The following SWT1 variants were observed in gnomAD, a reference collection of about 807,000 sequenced individuals.
SWT1 encodes the protein SWT1 RNA endoribonuclease homolog.
Under a neutral mutation model 107.3 loss-of-function variants are expected in SWT1, and 33 were observed. The ratio of observed to expected loss-of-function variants is 0.31; its 90% confidence interval spans 0.23 to 0.41. The LOEUF (loss-of-function observed/expected upper bound fraction) is 0.41, where lower values mean the gene tolerates loss of function less well. SWT1 is among the 10% of genes least tolerant of loss of function. The pLI is 1.00. For missense variants in SWT1, 898 were observed against 1,028.9 expected (o/e 0.87, Z 1.74); for synonymous variants, 345 against 348.3 (o/e 0.99, Z 0.11).
rs187506375 is a variant in SWT1, at chr1:185,285,663, T to C, written c.2574-5011T>C. ...GTTTTCTTCTAACATTTTTATAGTT[T>C]TAGCTCTTACAGTTAGGCCATTGAT... On this transcript the variant is annotated intron_variant, in intron 18 of 18. Coordinates refer to ENST00000367500, the MANE Select transcript of SWT1 (RefSeq NM_017673.7). 3.3e-5 allele frequency among the ~76,000 whole-genome samples: 5 copies of C among 152,354 alleles called. No individual in the cohort carries two copies. The East Asian group carries it at 9.6e-4, about 29-fold the overall frequency.
In SWT1 at chr1:185,160,921, A is replaced by C. The variant is rs1654091208; in HGVS notation, c.80A>C (p.Glu27Ala). 2 of 1,609,564 alleles carry C rather than the reference A, an allele frequency of 1.2e-6. No individual in the cohort carries two copies. Among genetic ancestry groups the C allele is most frequent in the Admixed American group, 3.4e-5 (2 of 59,542 alleles). Residue 27 changes from glutamate to alanine, a missense_variant, in exon 2 of 19, where the codon GAA (glutamate) becomes GCA (alanine). By Grantham distance (107) the Glu-to-Ala change is moderately radical (BLOSUM62 -1). Transcript: ENST00000367500. The stretch of plus-strand genomic sequence containing the variant: ...ACCACCTCATCACCCAATTTTGGTG[A>C]AAAAGTAAGAATTTTGATTTACTGA... The part of the protein sequence containing the change: ...DTTTSSPNFG[E>A]KDKKERKTPA...
intron 16 of SWT1, among the ~76,000 whole-genome samples, chr1:185,253,370 G>A (rs1258966663): frequency 1.3e-5 from 2 of 151,660 alleles, no homozygotes; most frequent in Non-Finnish European, 2.9e-5. Flanking sequence ...AAATTACCTT[G>A]GGCAGTATGG....
At position 185,291,098 on chromosome 1, in the gene SWT1, C is replaced by T; in HGVS notation, c.*295C>T. 1 of 178,424 alleles carries T rather than the reference C, an allele frequency of 5.6e-6. No homozygotes were observed. The highest frequency in any genetic ancestry group is 1.2e-5 in the Non-Finnish European group (1 of 84,874). The allele number at this position is 178,424 out of a possible 1,614,324, so 11.1% of individuals were successfully genotyped here. On this transcript the variant is annotated 3_prime_UTR_variant, in exon 19 of 19. Coordinates refer to ENST00000367500, the MANE Select transcript of SWT1 (RefSeq NM_017673.7). ...AAAGGAGAGCCGTATTTTTAGTCAT[C>T]CTAGGGCAGGAGCCACTGTGGCATC...
chr1:185,184,711 G>T (rs1298082939), intron 8 of SWT1, 32 bp from the exon 9 acceptor site: 1 of 1,567,956 alleles, frequency 6.4e-7, no homozygotes, highest in African/African-American at 1.4e-5. Context: ...ATAAATGTTT[G>T]TTAAATTCTA....
intron 16 of SWT1, among the ~76,000 whole-genome samples, chr1:185,246,749 C>T (rs1251068790): frequency 6.6e-6 from 1 of 151,256 alleles, no homozygotes; most frequent in Non-Finnish European, 1.5e-5. Context: ...CCTGCCTCGG[C>T]CTCCTGAGTA....
intron 15 of SWT1, among the ~76,000 whole-genome samples, chr1:185,228,378 C>T (rs1325869137): frequency 6.6e-6 from 1 of 150,944 alleles, no homozygotes; most frequent in Non-Finnish European, 1.5e-5. Context: ...AAAAGTTAGC[C>T]TTGTGTGGTA....
chr1:185,161,514 G>A (rs963081758), intron 2 of SWT1, among the ~76,000 whole-genome samples: 3 of 151,968 alleles, frequency 2.0e-5, no homozygotes, highest in African/African-American at 7.3e-5. Flanking sequence ...GACCAGCCTA[G>A]GCAACATGGT....
chr1:185,269,491 C>G (rs936664312), intron 16 of SWT1, among the ~76,000 whole-genome samples: 4 of 151,266 alleles, frequency 2.6e-5, no homozygotes, highest in African/African-American at 9.7e-5. Flanking sequence ...TGTGCCCCCT[C>G]CAAGGGACCT....
chr1:185,290,819 T>G lies in SWT1; in HGVS notation c.*16T>G, dbSNP rs41264596. The G allele has an allele frequency of 6.6e-3, 10,530 of 1,592,668 alleles. 40 individuals are homozygous for G. The highest frequency in any genetic ancestry group is 8.0e-3 in the Non-Finnish European group (9,327 of 1,169,038). ...TAGGATATAAGTACTGATTTGTAAC[T>G]TTAAAGGAATTGCATTTGTCCTTAA... On this transcript the variant is annotated 3_prime_UTR_variant, in exon 19 of 19. Transcript: ENST00000367500.
chr1:185,265,428 CT>C (rs1406881434), intron 16 of SWT1, among the ~76,000 whole-genome samples: 2 of 152,118 alleles, frequency 1.3e-5, no homozygotes, highest in South Asian at 2.1e-4. Context: ...AGATCCAAGA[CT>C]TTTTTTCCTT....
At chr1:185,210,495 G>A (rs775680276) in intron 13 of SWT1, among the ~76,000 whole-genome samples, 47 of 152,022 alleles carry the variant, frequency 3.1e-4, no homozygotes, top group Non-Finnish European at 4.9e-4. Context: ...AGCCCTTCAA[G>A]CTAAAAACTC....
chr1:185,190,242 C>G (rs769565160), intron 9 of SWT1, among the ~76,000 whole-genome samples: 7 of 152,144 alleles, frequency 4.6e-5, no homozygotes, highest in Non-Finnish European at 8.8e-5. Flanking sequence ...CTTCCTGCCC[C>G]CACACAAGCA....
intron 1 of SWT1, 42 bp from the exon 2 acceptor site, chr1:185,160,791 T>C (rs1558000973): frequency 7.1e-7 from 1 of 1,408,524 alleles, no homozygotes; most frequent in Non-Finnish European, 9.8e-7. Flanking sequence ...ATTTTCTTTT[T>C]GAGTGCAAAA....
In SWT1 at chr1:185,166,640, A is replaced by G; in HGVS notation, c.153A>G (p.Glu51=). 1.3e-6 allele frequency: 2 copies of G among 1,596,978 alleles called. No individual in the cohort carries two copies. Among genetic ancestry groups the G allele is most frequent in the Non-Finnish European group, 1.7e-6 (2 of 1,168,566 alleles). The change falls in exon 3 of 19, where the codon GAA becomes GAG. Residue 51 remains glutamate, a synonymous_variant. Transcript: ENST00000367500. ...SSSSIRSVSS[E]KRKLKSDHTD... is the part of the protein sequence containing the mutation. ...CTTCTATAAGATCAGTTTCATCAGA[A>G]AAGAGAAAACTGGTGAGTGTCTAGA...
chr1:185,175,334 C>T (rs1291126392), intron 5 of SWT1, among the ~76,000 whole-genome samples: 2 of 151,970 alleles, frequency 1.3e-5, no homozygotes, highest in Non-Finnish European at 2.9e-5. Context: ...TCAAGCAATC[C>T]TCCTGCCTCA....
intron 14 of SWT1, among the ~76,000 whole-genome samples, chr1:185,217,165 AGT>A: frequency 6.6e-6 from 1 of 152,260 alleles, no homozygotes; most frequent in East Asian, 1.9e-4. Context: ...AGAACTCTGA[AGT>A]GTTGCACCTT....
At chr1:185,197,492 C>A (rs1037868702) in intron 10 of SWT1, among the ~76,000 whole-genome samples, 1 of 152,118 alleles carries the variant, frequency 6.6e-6, no homozygotes, top group Non-Finnish European at 1.5e-5. Flanking sequence ...AGGGAGGAGT[C>A]CCTCTTTTTC....
chr1:185,230,195 T>G (rs1006721348), intron 15 of SWT1, among the ~76,000 whole-genome samples: 1 of 152,222 alleles, frequency 6.6e-6, no homozygotes, highest in Non-Finnish European at 1.5e-5. Flanking sequence ...TAGTCAACAT[T>G]GTGAATTTAT....
At chr1:185,230,038 TA>T (rs1660396883) in intron 15 of SWT1, among the ~76,000 whole-genome samples, 1 of 152,204 alleles carries the variant, frequency 6.6e-6, no homozygotes, top group African/African-American at 2.4e-5. Context: ...GTGAATGTAC[TA>T]AATGCCACTG....
Sources: allele counts gnomAD v4.1 joint callset (sites outside exome capture counted in the v4.1 genomes callset), GRCh38; gene constraint gnomAD v4.1.1; transcripts MANE v1.5; gene names NCBI Gene and HGNC (gene_info 2026-07-23, HGNC 2026-07-21).